Variants in ANO4 observed in about 807,000 individuals in gnomAD.
ANO4 encodes the protein anoctamin 4.
ANO4 carries 69 observed loss-of-function variants against 141.9 expected under a neutral mutation model. The observed-to-expected ratio is 0.49, with a 90% CI of 0.40 to 0.59. The LOEUF is 0.59. Ranked by LOEUF, ANO4 falls within the 20% of genes least tolerant of loss-of-function variation. The pLI is 0.00. For synonymous variants in ANO4, 350 were observed against 394.3 expected, an observed-to-expected ratio of 0.89 and a Z score of 1.33; for missense variants, 894 against 1,162.2, an observed-to-expected ratio of 0.77 and a Z score of 3.36.
intron 8 of ANO4, among the ~76,000 whole-genome samples, chr12:101,014,605 A>T (rs1198831448): frequency 1.3e-5 from 2 of 152,092 alleles, no homozygotes; most frequent in Non-Finnish European, 2.9e-5. Flanking sequence ...AGCAAAACAG[A>T]TGTTTTCTGA....
At chr12:100,807,787 T>C (rs2035151660) in intron 1 of ANO4, among the ~76,000 whole-genome samples, 1 of 152,210 alleles carries the variant, frequency 6.6e-6, no homozygotes, top group African/African-American at 2.4e-5. Context: ...CTCCCACTTA[T>C]AAGTGAGAAC....
chr12:100,973,747 CTG>C (rs770116692), intron 6 of ANO4, among the ~76,000 whole-genome samples: 2 of 152,148 alleles, frequency 1.3e-5, no homozygotes, highest in East Asian at 3.8e-4. Context: ...AGGGTTGACT[CTG>C]TGTGTGTGGT....
chr12:101,052,674 A>T (rs1476184156), intron 14 of ANO4, among the ~76,000 whole-genome samples: 2 of 152,216 alleles, frequency 1.3e-5, no homozygotes, highest in African/African-American at 2.4e-5. Flanking sequence ...TTTTGCAAGA[A>T]TCAGCCTTTT....
chr12:100,961,244 A>G (rs1430403318), intron 5 of ANO4, among the ~76,000 whole-genome samples: 1 of 152,222 alleles, frequency 6.6e-6, no homozygotes, highest in South Asian at 2.1e-4. Flanking sequence ...TGTGAGGCAG[A>G]TAAAACATTT....
chr12:100,873,902 G>A (rs1037628928), intron 1 of ANO4, among the ~76,000 whole-genome samples: 1 of 152,210 alleles, frequency 6.6e-6, no homozygotes, highest in Non-Finnish European at 1.5e-5. Context: ...TGGTTTTGCG[G>A]ACTGGGCCCA....
At chr12:101,085,989 AAAAC>A (rs1260431125) in intron 16 of ANO4, among the ~76,000 whole-genome samples, 1 of 152,106 alleles carries the variant, frequency 6.6e-6, no homozygotes, top group Non-Finnish European at 1.5e-5. Flanking sequence ...GACAACACGA[AAAAC>A]AAATAGTCTG....
At chr12:100,999,755 A>T (rs937318436) in intron 8 of ANO4, among the ~76,000 whole-genome samples, 1 of 152,042 alleles carries the variant, frequency 6.6e-6, no homozygotes, top group Admixed American at 6.6e-5. Context: ...CATATGTAAA[A>T]GACTTAGGGC....
chr12:101,057,675 T>A (rs1214180212), intron 14 of ANO4, among the ~76,000 whole-genome samples: 1 of 152,242 alleles, frequency 6.6e-6, no homozygotes, highest in Non-Finnish European at 1.5e-5. Context: ...TTGAGAAGTT[T>A]CTGTTCATAT....
chr12:100,896,379 G>A (rs1213069041), intron 1 of ANO4, among the ~76,000 whole-genome samples: 3 of 151,574 alleles, frequency 2.0e-5, no homozygotes, highest in Non-Finnish European at 2.9e-5. Context: ...GTCACAAGGC[G>A]AGGAACACCA....
chr12:100,758,121 C>T (rs2032695341), intron 3 of ANO4, among the ~76,000 whole-genome samples: 1 of 152,216 alleles, frequency 6.6e-6, no homozygotes, highest in South Asian at 2.1e-4. Context: ...CTTCCTTCTT[C>T]AGCCTCCAGC....
Position 101,083,746 on chromosome 12 carries a change from G to A in ANO4, c.1464G>A (p.Lys488=), listed in dbSNP as rs779437040. The A allele has an allele frequency of 5.6e-6, 9 of 1,606,660 alleles. No homozygotes were observed. The East Asian group carries it at 2.0e-4, about 36-fold the overall frequency. The change falls in exon 16 of 28, where the codon AAG becomes AAA. Residue 488 remains lysine, a synonymous_variant. Coordinates refer to ENST00000392977, the MANE Select transcript of ANO4 (RefSeq NM_001286615.2). The part of the protein sequence containing the change: ...KKERMNPISG[K]PEPYQAFTDK... ...AGCGGATGAATCCAATTTCTGGAAA[G>A]CCAGAACCTTATCAAGCATTTACAG...
At chr12:100,856,019 T>C (rs748762976) in intron 1 of ANO4, among the ~76,000 whole-genome samples, 2 of 152,124 alleles carry the variant, frequency 1.3e-5, no homozygotes, top group Non-Finnish European at 2.9e-5. Context: ...GGAGTTTCCC[T>C]GTACAAAGGG....
intron 1 of ANO4, among the ~76,000 whole-genome samples, chr12:100,862,166 A>T (rs1254606145): frequency 6.6e-6 from 1 of 152,092 alleles, no homozygotes; most frequent in Non-Finnish European, 1.5e-5. Context: ...GGCTCAAGCG[A>T]TCCTCTCACC....
chr12:101,025,586 C>A (rs1251072040), intron 9 of ANO4, among the ~76,000 whole-genome samples: 1 of 152,194 alleles, frequency 6.6e-6, no homozygotes, highest in Non-Finnish European at 1.5e-5. Context: ...GAGAAAGAAC[C>A]ATCCAAAAGA....
chr12:100,984,570 G>A (rs925057158), intron 7 of ANO4, among the ~76,000 whole-genome samples: 1 of 152,058 alleles, frequency 6.6e-6, no homozygotes, highest in Non-Finnish European at 1.5e-5. Flanking sequence ...ACTCTGTAAG[G>A]TCAGTAAGAT....
At chr12:101,048,429 A>C in intron 14 of ANO4, 28 bp downstream of exon 14, 1 of 1,593,698 alleles carries the variant, frequency 6.3e-7, no homozygotes, top group East Asian at 2.2e-5. Context: ...ATAAAACTTG[A>C]GTTTTCCTCA....
chr12:100,792,149 T>C (rs1206547638), upstream of ANO4, among the ~76,000 whole-genome samples: 1 of 152,096 alleles, frequency 6.6e-6, no homozygotes, highest in Admixed American at 6.5e-5. Flanking sequence ...CCACTTCCCA[T>C]GAACTGTGTC....
intron 5 of ANO4, among the ~76,000 whole-genome samples, chr12:100,961,616 G>A (rs1280176833): frequency 6.6e-6 from 1 of 152,162 alleles, no homozygotes; most frequent in Non-Finnish European, 1.5e-5. Context: ...ATAAACAGAT[G>A]AATTTAATAA....
intron 1 of ANO4, among the ~76,000 whole-genome samples, chr12:100,727,154 G>A (rs7954807): frequency 6.6e-5 from 10 of 152,258 alleles, no homozygotes; most frequent in African/African-American, 2.2e-4. Flanking sequence ...CTGACTGTCA[G>A]ATGAAGCATT....
Sources: gnomAD v4.1 joint callset for allele counts (sites outside exome capture counted in the v4.1 genomes callset) on GRCh38, gnomAD v4.1.1 for gene constraint, MANE v1.5 for transcripts, NCBI Gene and HGNC (gene_info 2026-07-23, HGNC 2026-07-21) for gene names.